Variants in MICU2 observed in about 807,000 individuals in gnomAD.
MICU2 encodes mitochondrial calcium uptake 2, also known as calcium uptake protein 2, mitochondrial.
In MICU2, 64 loss-of-function variants were observed where a neutral mutation model predicts 60.4. The observed-to-expected ratio is 1.06, with a 90% CI of 0.87 to 1.31. The LOEUF is 1.31. MICU2 is among the 50% of genes most tolerant of loss of function. The probability of loss-of-function intolerance (pLI) is 0.00; values close to 1 mark genes in which losing one functional copy is unlikely to be tolerated. For synonymous variants in MICU2, 201 were observed against 175.0 expected (o/e 1.15, Z -1.17); for missense variants, 569 against 531.0 (o/e 1.07, Z -0.70).
At chr13:21,518,329 TTTTCATGTTCAG>T (rs1278466349) in intron 6 of MICU2, among the ~76,000 whole-genome samples, 4 of 152,238 alleles carry the variant, frequency 2.6e-5, no homozygotes, top group African/African-American at 9.6e-5. Flanking sequence ...CTATTGCCTT[TTTTCATGTTCAG>T]TTTCATGCTC....
intron 4 of MICU2, among the ~76,000 whole-genome samples, chr13:21,524,486 C>T (rs1035787452): frequency 1.3e-5 from 2 of 152,174 alleles, no homozygotes; most frequent in African/African-American, 4.8e-5. Context: ...TTAACATCTT[C>T]AAATTCAAAT....
At chr13:21,514,450 G>T (rs746190461) in intron 6 of MICU2, 32 bp from the exon 7 acceptor site, 1 of 1,543,440 alleles carries the variant, frequency 6.5e-7, no homozygotes, top group Admixed American at 1.8e-5. Flanking sequence ...GTTTACATGT[G>T]TGCCTACCAG....
chr13:21,572,387 C>T (rs533223319), intron 1 of MICU2, among the ~76,000 whole-genome samples: 2 of 152,086 alleles, frequency 1.3e-5, no homozygotes, highest in Non-Finnish European at 2.9e-5. Context: ...AGGGGTAAGG[C>T]GAATGGTTAC....
intron 2 of MICU2, among the ~76,000 whole-genome samples, chr13:21,546,072 G>GA (rs1887410951): frequency 6.6e-6 from 1 of 151,994 alleles, no homozygotes; most frequent in South Asian, 2.1e-4. Flanking sequence ...GGTAACTGAA[G>GA]AAAAAAAGAG....
At chr13:21,504,252 C>G (rs182361840) in intron 8 of MICU2, among the ~76,000 whole-genome samples, 17 of 152,204 alleles carry the variant, frequency 1.1e-4, no homozygotes, top group African/African-American at 3.4e-4. Context: ...GCCCTGTATA[C>G]TGTAATGACA....
Position 21,524,942 on chromosome 13 carries a change from T to A in MICU2, c.467-2292A>T, listed in dbSNP as rs537170538. 3.9e-5 allele frequency among the ~76,000 whole-genome samples: 6 copies of A among 152,356 alleles called. No homozygotes were observed. The South Asian group carries it at 1.0e-3, about 26-fold the overall frequency. On this transcript the variant is annotated intron_variant, in intron 4 of 11. Coordinates refer to ENST00000382374, the MANE Select transcript of MICU2 (RefSeq NM_152726.3). ...AAAGGTTCATTCATACTGCAGCATA[T>A]GTCAGCATATCCTTCCTTTTTAAGG...
chr13:21,600,587 GAAGA>G (rs1257675759), intron 1 of MICU2, among the ~76,000 whole-genome samples: 1 of 152,098 alleles, frequency 6.6e-6, no homozygotes, highest in Non-Finnish European at 1.5e-5. Flanking sequence ...CTTGTGAAAG[GAAGA>G]AAGTAAAGAA....
intron 2 of MICU2, among the ~76,000 whole-genome samples, chr13:21,554,872 T>A (rs1246831130): frequency 2.6e-5 from 4 of 151,976 alleles, no homozygotes; most frequent in South Asian, 2.1e-4. Flanking sequence ...CAAACTACCA[T>A]CAGAGAATAC....
At chr13:21,507,538 T>A (rs1253439030) in intron 8 of MICU2, among the ~76,000 whole-genome samples, 2 of 152,076 alleles carry the variant, frequency 1.3e-5, no homozygotes, top group African/African-American at 2.4e-5. Flanking sequence ...AGAGCTTAAA[T>A]GACTCAGTGT....
intron 1 of MICU2, among the ~76,000 whole-genome samples, chr13:21,591,297 G>T (rs1331141043): frequency 1.3e-5 from 2 of 152,030 alleles, no homozygotes; most frequent in Admixed American, 1.3e-4. Context: ...ATTACATAAT[G>T]GTCAAGGGAA....
intron 7 of MICU2, among the ~76,000 whole-genome samples, 162 bp downstream of exon 7, chr13:21,514,191 A>G (rs1453861190): frequency 2.6e-5 from 4 of 152,230 alleles, no homozygotes; most frequent in African/African-American, 9.6e-5. Context: ...ACCACCACGT[A>G]TATGCAGTCT....
At chr13:21,573,321 T>A (rs1230060112) in intron 1 of MICU2, among the ~76,000 whole-genome samples, 1 of 152,126 alleles carries the variant, frequency 6.6e-6, no homozygotes, top group Non-Finnish European at 1.5e-5. Flanking sequence ...TCATCCAGGC[T>A]GGAGTGCAGT....
At chr13:21,517,545 G>A (rs1395937171) in intron 6 of MICU2, among the ~76,000 whole-genome samples, 5 of 152,292 alleles carry the variant, frequency 3.3e-5, no homozygotes, top group Middle Eastern at 3.4e-3. Context: ...GGAGGCTGAC[G>A]CGGGTGGATC....
At chr13:21,589,049 C>T (rs1235659820) in intron 1 of MICU2, among the ~76,000 whole-genome samples, 2 of 152,120 alleles carry the variant, frequency 1.3e-5, no homozygotes, top group East Asian at 3.9e-4. Flanking sequence ...ATAAGATAGC[C>T]TTAGACATGA....
chr13:21,558,621 C>A (rs552176645), intron 2 of MICU2, among the ~76,000 whole-genome samples: 5 of 152,122 alleles, frequency 3.3e-5, no homozygotes, highest in African/African-American at 1.2e-4. Context: ...GTTGCCCACA[C>A]CCTCCACTTC....
At chr13:21,521,120 A>T (rs1382017617) in intron 6 of MICU2, 125 bp downstream of exon 6, 11 of 784,890 alleles carry the variant, frequency 1.4e-5, no homozygotes, top group Admixed American at 3.1e-5. Context: ...TTGAATGTCC[A>T]AATAATTTCC....
At chr13:21,505,985 T>A (rs1281540195) in intron 8 of MICU2, among the ~76,000 whole-genome samples, 2 of 152,066 alleles carry the variant, frequency 1.3e-5, no homozygotes, top group African/African-American at 4.8e-5. Flanking sequence ...GAGGATGATA[T>A]GTAACTATCT....
intron 1 of MICU2, among the ~76,000 whole-genome samples, chr13:21,581,132 G>A (rs764811938): frequency 6.6e-6 from 1 of 152,178 alleles, no homozygotes; most frequent in African/African-American, 2.4e-5. Flanking sequence ...TTTATGTGAA[G>A]GATAAATACT....
chr13:21,596,662 G>A (rs1031696363), intron 1 of MICU2, among the ~76,000 whole-genome samples: 2 of 152,054 alleles, frequency 1.3e-5, no homozygotes, highest in Non-Finnish European at 2.9e-5. Flanking sequence ...GATCTCAAGC[G>A]ATACACCCGC....
Sources: gnomAD v4.1 joint callset for allele counts (sites outside exome capture counted in the v4.1 genomes callset) on GRCh38, gnomAD v4.1.1 for gene constraint, MANE v1.5 for transcripts, NCBI Gene and HGNC (gene_info 2026-07-23, HGNC 2026-07-21) for gene names.